CDH20: variants seen among roughly 807,000 people sequenced by gnomAD.
CDH20 encodes the protein cadherin 20.
A neutral mutation model predicts 74.2 loss-of-function variants in CDH20; 29 were observed. That is an observed-to-expected ratio of 0.39 (90% confidence interval 0.29 to 0.53). The LOEUF is 0.53. Among genes scored for constraint, CDH20 ranks in the 20% least tolerant of loss-of-function variants. The pLI, the probability that CDH20 is intolerant of heterozygous loss-of-function variation, is 0.69. For missense variants in CDH20, 988 were observed against 1,048.3 expected (o/e 0.94, Z 0.79); for synonymous variants, 469 against 405.4 (o/e 1.16, Z -1.88).
chr18:61,515,446 G>A (rs1456588859), intron 6 of CDH20, among the ~76,000 whole-genome samples: 4 of 152,126 alleles, frequency 2.6e-5, no homozygotes, highest in Admixed American at 2.6e-4. Context: ...TGGAAATGCA[G>A]AAATCACCCG....
chr18:61,389,920 G>T (rs1289313517), intron 1 of CDH20, among the ~76,000 whole-genome samples: 1 of 151,980 alleles, frequency 6.6e-6, no homozygotes, highest in Admixed American at 6.6e-5. Context: ...TCTCTTTCTG[G>T]TGATCATTTT....
In CDH20 at chr18:61,500,349, A is replaced by G; in HGVS notation, c.542-34A>G. ...ATTGCATCCAGCCTTTAGCTATTAG[A>G]CTTGAACAGGTTTCTACCTCTTCTC... On this transcript the variant is annotated intron_variant, in intron 3 of 11. Coordinates refer to ENST00000262717, the MANE Select transcript of CDH20 (RefSeq NM_031891.4). The G allele has an allele frequency of 2.5e-6, 4 of 1,603,044 alleles. No individual in the cohort carries two copies. The Admixed American group carries it at 6.8e-5, about 27-fold the overall frequency.
At chr18:61,383,157 A>G (rs1479328036) in intron 1 of CDH20, among the ~76,000 whole-genome samples, 1 of 152,230 alleles carries the variant, frequency 6.6e-6, no homozygotes, top group East Asian at 1.9e-4. Flanking sequence ...GCACTTACTT[A>G]TATTATTATA....
chr18:61,430,991 A>C (rs1913234414), intron 1 of CDH20, among the ~76,000 whole-genome samples: 1 of 152,278 alleles, frequency 6.6e-6, no homozygotes, highest in African/African-American at 2.4e-5. Flanking sequence ...AGATCTCTCA[A>C]GCGACAGAGA....
intron 1 of CDH20, among the ~76,000 whole-genome samples, chr18:61,350,104 T>A (rs1910255746): frequency 6.6e-6 from 1 of 151,968 alleles, no homozygotes; most frequent in African/African-American, 2.4e-5. Context: ...GCTTGTACAG[T>A]ATATTATCCT....
At position 61,500,102 on chromosome 18, in the gene CDH20, T is replaced by TAAAAAAAAAAA. The variant is rs534695760; in HGVS notation, c.542-244_542-234dup. On this transcript the variant is annotated intron_variant, in intron 3 of 11. Transcript: ENST00000262717. The stretch of plus-strand genomic sequence containing the variant: ...CTGGCGACAGAGTGAGACTCCATCT[T>TAAAAAAAAAAA]AAAAAAAAAAAAAAAAAAAAAAAAA... Among the ~76,000 whole-genome samples the TAAAAAAAAAAA allele has an allele frequency of 8.8e-5, 5 of 56,576 alleles. 2 individuals carry two copies. Among genetic ancestry groups the TAAAAAAAAAAA allele is most frequent in the Non-Finnish European group, 1.9e-4 (5 of 27,000 alleles). 37.1% of individuals were successfully genotyped at this position (56,576 alleles called of 152,430 possible).
At position 61,412,747 on chromosome 18, in the gene CDH20, G is replaced by T. The variant is rs568928766; in HGVS notation, c.-152-77655G>T. ...ATAATAAAATACAGCCATTAAAAAT[G>T]ATGCTTTTGAATATTTACTTAAATA... On this transcript the variant is annotated intron_variant, in intron 1 of 11. Transcript: ENST00000262717. Among the ~76,000 whole-genome samples the T allele has an allele frequency of 3.2e-4, 48 of 152,218 alleles. 1 individual carries two copies. Among genetic ancestry groups the T allele is most frequent in the African/African-American group, 1.2e-3 (48 of 41,554 alleles).
At chr18:61,359,413 G>A (rs1355459234) in intron 1 of CDH20, among the ~76,000 whole-genome samples, 4 of 150,390 alleles carry the variant, frequency 2.7e-5, no homozygotes, top group South Asian at 4.2e-4. Flanking sequence ...AAGAAAGAAA[G>A]AAAAAAAAAG....
intron 1 of CDH20, among the ~76,000 whole-genome samples, chr18:61,459,444 C>A (rs1267767837): frequency 2.0e-5 from 3 of 152,092 alleles, no homozygotes; most frequent in Non-Finnish European, 4.4e-5. Context: ...GGAATGACAT[C>A]CATGTGTGGT....
intron 1 of CDH20, among the ~76,000 whole-genome samples, chr18:61,472,136 C>A (rs1385968144): frequency 6.6e-6 from 1 of 152,096 alleles, no homozygotes; most frequent in East Asian, 1.9e-4. Flanking sequence ...ACAAGGGCAA[C>A]TGCCAGCTCC....
chr18:61,488,081 C>CATATATATATATATATAT (rs71178973), intron 1 of CDH20, among the ~76,000 whole-genome samples: 27 of 148,890 alleles, frequency 1.8e-4, no homozygotes, highest in East Asian at 1.6e-3. Flanking sequence ...TACGTACATA[C>CATATATATATATATATAT]ATATATATAT....
intron 1 of CDH20, among the ~76,000 whole-genome samples, chr18:61,476,848 C>G (rs1910405558): frequency 2.0e-5 from 3 of 152,122 alleles, no homozygotes; most frequent in Non-Finnish European, 2.9e-5. Context: ...GGGAATCTCT[C>G]TTTTTTGATA....
At chr18:61,529,758 A>G (rs907264318) in intron 7 of CDH20, among the ~76,000 whole-genome samples, 15 of 152,258 alleles carry the variant, frequency 9.9e-5, no homozygotes, top group African/African-American at 3.6e-4. Context: ...GAGAAACTTT[A>G]AAGAATAAAA....
chr18:61,538,981 A>G (rs961316691), intron 8 of CDH20, 43 bp from the exon 9 acceptor site: 6 of 1,591,510 alleles, frequency 3.8e-6, no homozygotes, highest in Non-Finnish European at 5.1e-6. Context: ...TTCTTTTGGC[A>G]TTACTAAACT....
At chr18:61,361,196 C>T (rs1033168761) in intron 1 of CDH20, among the ~76,000 whole-genome samples, 3 of 152,140 alleles carry the variant, frequency 2.0e-5, no homozygotes, top group Admixed American at 6.6e-5. Context: ...GCTGTAGGTT[C>T]GCTGCGTGGT....
intron 1 of CDH20, among the ~76,000 whole-genome samples, chr18:61,374,464 T>C (rs1311838686): frequency 1.3e-5 from 2 of 152,140 alleles, no homozygotes; most frequent in Non-Finnish European, 2.9e-5. Context: ...AAAGAGTATA[T>C]AGAAACAAAT....
rs75606879 is a variant in CDH20, at chr18:61,494,056, T to C, written c.246+3257T>C. On this transcript the variant is annotated intron_variant, in intron 2 of 11. Transcript: ENST00000262717. The stretch of plus-strand genomic sequence containing the variant: ...CACATCAAAGCAGATCATTTAATCA[T>C]CATAACAATGCTGTGAGGTGAGTAT... Among the ~76,000 whole-genome samples the C allele has an allele frequency of 1.0e-3, 156 of 152,324 alleles. No individual in the cohort carries two copies. The East Asian group carries it at 0.02, about 20-fold the overall frequency.
At chr18:61,362,323 TA>T (rs1910720122) in intron 1 of CDH20, among the ~76,000 whole-genome samples, 1 of 152,154 alleles carries the variant, frequency 6.6e-6, no homozygotes, top group South Asian at 2.1e-4. Flanking sequence ...CATAGAGACC[TA>T]AAAACAGAAA....
intron 1 of CDH20, among the ~76,000 whole-genome samples, chr18:61,411,872 G>A (rs1912522835): frequency 6.6e-6 from 1 of 151,878 alleles, no homozygotes. Context: ...AAGGGGTAAG[G>A]CAAAAAAGAC....
Sources: gnomAD v4.1 joint callset for allele counts (sites outside exome capture counted in the v4.1 genomes callset) on GRCh38, gnomAD v4.1.1 for gene constraint, MANE v1.5 for transcripts, NCBI Gene and HGNC (gene_info 2026-07-23, HGNC 2026-07-21) for gene names.